The following ARB2A variants were observed in gnomAD, a reference collection of about 807,000 sequenced individuals.
The protein encoded by ARB2A is cotranscriptional regulator ARB2A.
chr5:93,702,772 A>C, the ARB2A span, among the ~76,000 whole-genome samples: 7 of 152,162 alleles, frequency 4.6e-5, no homozygotes, highest in African/African-American at 2.4e-5. Context: ...AGATGTAAGC[A>C]TCAAAGGGAA....
the ARB2A span, among the ~76,000 whole-genome samples, chr5:94,079,835 CAAATA>C: frequency 6.6e-6 from 1 of 152,088 alleles, no homozygotes; most frequent in Non-Finnish European, 1.5e-5. Flanking sequence ...TAAGAGATAT[CAAATA>C]AAAGTATTTT....
At chr5:93,622,337 T>C in the ARB2A span, among the ~76,000 whole-genome samples, 1 of 152,346 alleles carries the variant, frequency 6.6e-6, no homozygotes, top group South Asian at 2.1e-4. Context: ...ACATTGTTAA[T>C]GATAATTCTT....
the ARB2A span, among the ~76,000 whole-genome samples, chr5:93,933,810 A>T: frequency 3.9e-5 from 6 of 152,212 alleles, no homozygotes; most frequent in Admixed American, 2.6e-4. Flanking sequence ...ATAATAATAA[A>T]AAAAGAAACA....
At chr5:94,047,742 A>G in the ARB2A span, among the ~76,000 whole-genome samples, 1 of 152,168 alleles carries the variant, frequency 6.6e-6, no homozygotes, top group African/African-American at 2.4e-5. Context: ...CCTAGGAAAA[A>G]GGAATCATTT....
At chr5:94,012,197 T>TCA in the ARB2A span, among the ~76,000 whole-genome samples, 1 of 152,038 alleles carries the variant, frequency 6.6e-6, no homozygotes, top group Non-Finnish European at 1.5e-5. Flanking sequence ...GGTCAGGAGA[T>TCA]CAAGACCATC....
the ARB2A span, among the ~76,000 whole-genome samples, chr5:93,894,708 T>G: frequency 6.6e-6 from 1 of 152,154 alleles, no homozygotes; most frequent in Non-Finnish European, 1.5e-5. Flanking sequence ...CTGCATTGTG[T>G]GCACTTGTAA....
At chr5:94,023,293 T>G in the ARB2A span, among the ~76,000 whole-genome samples, 1 of 152,168 alleles carries the variant, frequency 6.6e-6, no homozygotes, top group Admixed American at 6.5e-5. Flanking sequence ...CATATCACTA[T>G]CAGCACCATA....
the ARB2A span, chr5:93,881,638 T>C: frequency 6.2e-7 from 1 of 1,601,836 alleles, no homozygotes; most frequent in African/African-American, 1.3e-5. Context: ...TCGGCTTTTC[T>C]ACTTCAATAT....
chr5:93,737,100 G>A, the ARB2A span: 1 of 152,218 alleles, frequency 6.6e-6, no homozygotes, highest in East Asian at 1.9e-4. Context: ...ATAAGTCGCA[G>A]GATACAAAAT....
At chr5:93,840,338 A>C in the ARB2A span, among the ~76,000 whole-genome samples, 7 of 152,210 alleles carry the variant, frequency 4.6e-5, no homozygotes, top group East Asian at 1.3e-3. Context: ...AGACATCTGT[A>C]GTGAATATAG....
the ARB2A span, among the ~76,000 whole-genome samples, chr5:93,702,349 C>T: frequency 2.1e-4 from 32 of 152,248 alleles, no homozygotes; most frequent in Middle Eastern, 3.4e-3. Flanking sequence ...CTCCTGACCA[C>T]GCTATATAAA....
the ARB2A span, among the ~76,000 whole-genome samples, chr5:93,981,676 T>C: frequency 2.0e-5 from 3 of 151,970 alleles, no homozygotes; most frequent in Non-Finnish European, 4.4e-5. Flanking sequence ...ATATTTAATA[T>C]ACATGGTATT....
the ARB2A span, among the ~76,000 whole-genome samples, chr5:93,633,784 T>G: frequency 6.6e-6 from 1 of 152,176 alleles, no homozygotes; most frequent in African/African-American, 2.4e-5. Context: ...TTACTCATCT[T>G]CAACATAGAT....
chr5:94,001,684 T>C, the ARB2A span, among the ~76,000 whole-genome samples: 3 of 152,114 alleles, frequency 2.0e-5, no homozygotes, highest in Non-Finnish European at 4.4e-5. Context: ...ATTTCCATCT[T>C]TTTGCTTACA....
At chr5:93,630,890 A>C in the ARB2A span, among the ~76,000 whole-genome samples, 3 of 152,010 alleles carry the variant, frequency 2.0e-5, no homozygotes, top group African/African-American at 7.2e-5. Flanking sequence ...AAGTAAACTT[A>C]TTCCTTTTTT....
the ARB2A span, among the ~76,000 whole-genome samples, chr5:94,109,468 T>C: frequency 9.2e-5 from 14 of 152,196 alleles, no homozygotes; most frequent in African/African-American, 2.7e-4. Flanking sequence ...ACTGAGTAAA[T>C]AGTGCTTACT....
chr5:93,786,002 T>C, the ARB2A span, among the ~76,000 whole-genome samples: 1 of 152,168 alleles, frequency 6.6e-6, no homozygotes, highest in Non-Finnish European at 1.5e-5. Context: ...AACTGGCTTA[T>C]GAAGAAATTA....
chr5:93,659,352 G>T, the ARB2A span, among the ~76,000 whole-genome samples: 2 of 152,062 alleles, frequency 1.3e-5, no homozygotes, highest in African/African-American at 2.4e-5. Flanking sequence ...GACAGCAAAT[G>T]TGCAGGAACC....
the ARB2A span, among the ~76,000 whole-genome samples, chr5:94,060,465 T>C: frequency 6.6e-6 from 1 of 152,156 alleles, no homozygotes; most frequent in Admixed American, 6.5e-5. Flanking sequence ...ACTCATCCTA[T>C]ATAAAATAAA....
Sources: allele counts gnomAD v4.1 joint callset (sites outside exome capture counted in the v4.1 genomes callset), GRCh38; gene constraint gnomAD v4.1.1; transcripts MANE v1.5; gene names NCBI Gene and HGNC (gene_info 2026-07-23, HGNC 2026-07-21).